NR6A1: variants seen among roughly 807,000 people sequenced by gnomAD.
NR6A1 encodes the protein nuclear receptor subfamily 6 group A member 1, also known as retinoic acid receptor-related testis-associated receptor.
A neutral mutation model predicts 59.1 loss-of-function variants in NR6A1; 7 were observed. The ratio of observed to expected loss-of-function variants is 0.12; its 90% CI spans 0.07 to 0.22. NR6A1 has a LOEUF of 0.22. NR6A1 is among the 10% of genes least tolerant of loss of function. The pLI is 1.00. For synonymous variants in NR6A1, 243 were observed against 236.1 expected (o/e 1.03, Z -0.27); for missense variants, 468 against 611.6 (o/e 0.77, Z 2.48).
chr9:124,579,146 G>A (rs1025102859), intron 2 of NR6A1, among the ~76,000 whole-genome samples: 9 of 152,370 alleles, frequency 5.9e-5, no homozygotes, highest in African/African-American at 1.7e-4. Context: ...AGCCAGGCAT[G>A]GTGGCATGCA....
At chr9:124,705,265 T>G (rs865918415) in intron 2 of NR6A1, among the ~76,000 whole-genome samples, 3 of 152,228 alleles carry the variant, frequency 2.0e-5, no homozygotes, top group Non-Finnish European at 2.9e-5. Flanking sequence ...TTATTGCTAA[T>G]TATTCTATTA....
intron 2 of NR6A1, chr9:124,595,756 T>C (rs1276667568): frequency 2.3e-6 from 3 of 1,284,650 alleles, no homozygotes; most frequent in Admixed American, 2.3e-5. Flanking sequence ...TACCTTCCCA[T>C]GTCTCCATTT....
In NR6A1 at chr9:124,527,859, G is replaced by A. The variant is rs138018968; in HGVS notation, c.1080-959C>T. Among the ~76,000 whole-genome samples the A allele has an allele frequency of 4.2e-4, 64 of 152,308 alleles. 1 individual carries two copies. The East Asian group carries it at 0.012, about 28-fold the overall frequency. ...TTTGGGTATACTTCATACCAGAGAT[G>A]GAGATACCATAAAACCAAGGAGGCA... is the stretch of plus-strand genomic sequence containing the variant. On this transcript the variant is annotated intron_variant, in intron 7 of 9. Transcript: ENST00000487099.
chr9:124,715,013 C>T (rs927387801), intron 2 of NR6A1, among the ~76,000 whole-genome samples: 1 of 152,030 alleles, frequency 6.6e-6, no homozygotes, highest in African/African-American at 2.4e-5. Context: ...TCCTGACCAA[C>T]ATGGTAAAAC....
chr9:124,713,894 C>A (rs997912224), intron 2 of NR6A1, among the ~76,000 whole-genome samples: 1 of 152,134 alleles, frequency 6.6e-6, no homozygotes, highest in African/African-American at 2.4e-5. Context: ...CAGGTATACA[C>A]CCCAAAGAAT....
At chr9:124,601,408 C>T (rs557955357) in intron 2 of NR6A1, among the ~76,000 whole-genome samples, 2 of 151,292 alleles carry the variant, frequency 1.3e-5, no homozygotes, top group East Asian at 2.0e-4. Flanking sequence ...CACAGTGAAA[C>T]CCCATCTCTA....
intron 2 of NR6A1, among the ~76,000 whole-genome samples, chr9:124,706,327 T>C (rs1343405863): frequency 6.6e-6 from 1 of 152,188 alleles, no homozygotes; most frequent in Non-Finnish European, 1.5e-5. Context: ...TACAGACATA[T>C]TTACTATTTC....
At chr9:124,600,862 T>C (rs750171423) in intron 2 of NR6A1, among the ~76,000 whole-genome samples, 2 of 150,148 alleles carry the variant, frequency 1.3e-5, no homozygotes, top group African/African-American at 2.5e-5. Context: ...TTTCAAGACC[T>C]GAAGGAAGAA....
chr9:124,619,616 A>C (rs1836003473), intron 2 of NR6A1, among the ~76,000 whole-genome samples: 1 of 152,142 alleles, frequency 6.6e-6, no homozygotes, highest in African/African-American at 2.4e-5. Flanking sequence ...CTAGAACCAG[A>C]GTATACATCA....
At chr9:124,659,900 C>G (rs6478677) in intron 2 of NR6A1, among the ~76,000 whole-genome samples, 94,064 of 152,078 alleles carry the variant, frequency 0.62, 30,662 homozygotes, top group African/African-American at 0.83. Context: ...TAATTTGAAG[C>G]AGACTTGTTT....
At chr9:124,742,340 A>T (rs1840194129) in intron 1 of NR6A1, among the ~76,000 whole-genome samples, 1 of 152,178 alleles carries the variant, frequency 6.6e-6, no homozygotes, top group Non-Finnish European at 1.5e-5. Flanking sequence ...AGGTGGGCAG[A>T]TCACCTGAGG....
chr9:124,643,201 C>T (rs895016211), intron 2 of NR6A1, among the ~76,000 whole-genome samples: 1 of 152,072 alleles, frequency 6.6e-6, no homozygotes, highest in African/African-American at 2.4e-5. Flanking sequence ...GTGGCTCACA[C>T]CTGTAATACC....
chr9:124,554,053 A>C (rs1833861419), intron 3 of NR6A1, among the ~76,000 whole-genome samples: 1 of 152,140 alleles, frequency 6.6e-6, no homozygotes, highest in Admixed American at 6.5e-5. Context: ...ATAACTAGTG[A>C]AGTATATTAA....
In NR6A1 at chr9:124,677,281, CAG is replaced by C. The variant is rs372662329; in HGVS notation, c.142+56025_142+56026del. ...ATTACTATTTCCTTTCTTCTGGAGA[CAG>C]AGTCTCACTTTGTCACGCAGGTTGG... On this transcript the variant is annotated intron_variant, in intron 2 of 9. Transcript: ENST00000487099. Among the ~76,000 whole-genome samples, 176 of 152,236 alleles carry C rather than the reference CAG, an allele frequency of 1.2e-3. 1 individual carries two copies. Among genetic ancestry groups the C allele is most frequent in the African/African-American group, 3.9e-3 (160 of 41,548 alleles).
intron 1 of NR6A1, among the ~76,000 whole-genome samples, chr9:124,770,715 G>A (rs1462463527): frequency 1.7e-5 from 2 of 116,690 alleles, no homozygotes; most frequent in Non-Finnish European, 3.7e-5. Flanking sequence ...GGGACGGGGG[G>A]AGGGGAAGCC....
intron 1 of NR6A1, among the ~76,000 whole-genome samples, chr9:124,739,711 C>CT (rs1280457957): frequency 6.6e-6 from 1 of 152,164 alleles, no homozygotes; most frequent in African/African-American, 2.4e-5. Context: ...GATCTTTTTC[C>CT]TTTTTGATAT....
chr9:124,583,626 G>C (rs1334907562), intron 2 of NR6A1, among the ~76,000 whole-genome samples: 1 of 152,136 alleles, frequency 6.6e-6, no homozygotes, highest in Non-Finnish European at 1.5e-5. Flanking sequence ...CTTGTATCTA[G>C]AACCAAACAA....
At chr9:124,587,039 T>C (rs989503919) in intron 2 of NR6A1, among the ~76,000 whole-genome samples, 5 of 152,236 alleles carry the variant, frequency 3.3e-5, no homozygotes, top group Admixed American at 1.3e-4. Flanking sequence ...TGCCTTATTT[T>C]AAGAAACGGC....
chr9:124,735,325 C>A (rs1170586293), intron 1 of NR6A1, among the ~76,000 whole-genome samples: 1 of 152,172 alleles, frequency 6.6e-6, no homozygotes, highest in Non-Finnish European at 1.5e-5. Context: ...CCAGCATTCA[C>A]CAAACAATAA....
Sources: allele counts gnomAD v4.1 joint callset (sites outside exome capture counted in the v4.1 genomes callset), GRCh38; gene constraint gnomAD v4.1.1; transcripts MANE v1.5; gene names NCBI Gene and HGNC (gene_info 2026-07-23, HGNC 2026-07-21).